The following MX2 variants were observed in gnomAD, a reference collection of about 807,000 sequenced individuals.
MX2 encodes the protein MX dynamin like GTPase 2.
A neutral mutation model predicts 74.0 loss-of-function variants in MX2; 51 were observed. That is an observed-to-expected ratio of 0.69 (90% CI 0.55 to 0.87). The LOEUF (loss-of-function observed/expected upper bound fraction) is 0.87. Among genes scored for constraint, MX2 ranks in the 40% least tolerant of loss-of-function variants. The pLI is 0.00. For missense variants in MX2, 832 were observed against 908.7 expected (o/e 0.92, Z 1.09); for synonymous variants, 369 against 339.3 (o/e 1.09, Z -0.96).
At chr21:41,382,647 G>T in intron 5 of MX2, 83 bp downstream of exon 5, 1 of 1,555,428 alleles carries the variant, frequency 6.4e-7, no homozygotes, top group Non-Finnish European at 8.8e-7. Flanking sequence ...TGTACCTCCT[G>T]GAGCCTTTAC....
At chr21:41,378,007 C>T (rs766400041) in intron 3 of MX2, 26 bp downstream of exon 3, 1 of 1,602,892 alleles carries the variant, frequency 6.2e-7, no homozygotes, top group Admixed American at 1.7e-5. Flanking sequence ...CACCTTCCCT[C>T]CGCAGCAAGC....
In MX2 at chr21:41,380,289, C is replaced by T; in HGVS notation, c.577+138C>T. 1.7e-6 allele frequency: 2 copies of T among 1,175,470 alleles called. No homozygotes were observed. The highest frequency in any genetic ancestry group is 2.6e-5 in the Admixed American group (1 of 38,252). 72.8% of individuals were successfully genotyped at this position (1,175,470 alleles called of 1,614,324 possible). On this transcript the variant is annotated intron_variant, in intron 4 of 13. Transcript: ENST00000330714. This position sits in a 1 kb window ranked among gnomAD's most constrained non-coding sequence, Gnocchi z 4.3. ...ATGTGCTCCCACATGGGGCTGAACC[C>T]ATTGCTGTCACCTCCACCATCCCTC...
chr21:41,370,678 T>C (rs2089313491), intron 1 of MX2: 1 of 152,176 alleles, frequency 6.6e-6, no homozygotes, highest in African/African-American at 2.4e-5. Context: ...TTCAGTGAAA[T>C]TGAGAGCAGA....
intron 5 of MX2, chr21:41,389,630 T>C (rs1019025811): frequency 2.6e-5 from 4 of 152,250 alleles, no homozygotes; most frequent in Non-Finnish European, 5.9e-5. Flanking sequence ...CGAGGCTTCA[T>C]TGGGCCTGTT....
chr21:41,381,165 T>G (rs1353977823), intron 4 of MX2, among the ~76,000 whole-genome samples: 1 of 152,208 alleles, frequency 6.6e-6, no homozygotes, highest in Non-Finnish European at 1.5e-5. Flanking sequence ...CAGAAGCTGC[T>G]GGATACCCTC....
In MX2 at chr21:41,372,201, G is replaced by A. The variant is rs149966934; in HGVS notation, c.-71-4635G>A. On this transcript the variant is annotated intron_variant, in intron 1 of 13. Transcript: ENST00000330714. ...CCTGGGTTATATTGGTTGCAGATGA[G>A]ATAGGACTCTACCACTTCCTGGGCC... Among the ~76,000 whole-genome samples, 3 of 152,288 alleles carry A rather than the reference G, an allele frequency of 2.0e-5. No individual in the cohort carries two copies. The East Asian group carries it at 5.8e-4, about 29-fold the overall frequency.
chr21:41,396,704 T>G (rs2089741225), intron 7 of MX2, among the ~76,000 whole-genome samples: 1 of 152,218 alleles, frequency 6.6e-6, no homozygotes, highest in Non-Finnish European at 1.5e-5. Context: ...TCTTCCTCTC[T>G]GCTCCTGCTC....
At chr21:41,374,680 G>T (rs191901558) in intron 1 of MX2, among the ~76,000 whole-genome samples, 2 of 152,172 alleles carry the variant, frequency 1.3e-5, no homozygotes, top group Non-Finnish European at 2.9e-5. Flanking sequence ...GGCAGGTGTC[G>T]CAGGTAGCAG....
rs1382858972 is a variant in MX2, at chr21:41,409,178, G to A, written c.*945G>A. 6.6e-6 allele frequency: 1 copy of A among 152,230 alleles called. No homozygotes were observed. Among genetic ancestry groups the A allele is most frequent in the Non-Finnish European group, 1.5e-5 (1 of 68,130 alleles). 9.4% of individuals were successfully genotyped at this position (152,230 alleles called of 1,614,324 possible). The stretch of plus-strand genomic sequence containing the variant: ...GGATTTTGAGGCTGCAGTGAGCCAT[G>A]ACTGCACCATGTACTACAGCCTGGG... On this transcript the variant is annotated 3_prime_UTR_variant, in exon 14 of 14. Transcript: ENST00000330714.
At chr21:41,405,961 C>T (rs1381460083) in intron 12 of MX2, among the ~76,000 whole-genome samples, 1 of 152,024 alleles carries the variant, frequency 6.6e-6, no homozygotes, top group Non-Finnish European at 1.5e-5. Flanking sequence ...GCCTCAGCCT[C>T]CCAAAGTGCT....
intron 2 of MX2, 119 bp downstream of exon 2, chr21:41,377,274 G>A: frequency 7.2e-7 from 1 of 1,389,242 alleles, no homozygotes; most frequent in African/African-American, 1.4e-5. Context: ...CACAGCTGAT[G>A]TCTCCAGCTC....
chr21:41,400,536 C>T (rs558965583), intron 10 of MX2, among the ~76,000 whole-genome samples: 2 of 152,134 alleles, frequency 1.3e-5, no homozygotes, highest in African/African-American at 4.8e-5. Context: ...CTATAAAAAA[C>T]TACCTGAGAC....
intron 5 of MX2, among the ~76,000 whole-genome samples, chr21:41,386,606 C>A (rs990394698): frequency 2.6e-5 from 4 of 152,218 alleles, no homozygotes; most frequent in African/African-American, 9.6e-5. Context: ...CTCTCTCCTG[C>A]AGATCGGGGC....
intron 11 of MX2, 82 bp from the exon 12 acceptor site, chr21:41,403,185 C>G (rs2145967328): frequency 8.7e-7 from 1 of 1,147,168 alleles, no homozygotes; most frequent in South Asian, 1.3e-5. Flanking sequence ...AGTCATCCTC[C>G]CTGTGTCTTT....
rs2089614363 is a variant in MX2 at position 41,388,663 on chromosome 21, G to A, written c.733-1902G>A. Reference sequence around the variant, plus strand: ...CCCACACCTGGTGGGCACTGCTAATGTTTGCTGCATGCACATAACGTGCTC... The same window carrying A: ...CCCACACCTGGTGGGCACTGCTAATATTTGCTGCATGCACATAACGTGCTC... On this transcript the variant is annotated intron_variant, in intron 5 of 13. Transcript: ENST00000330714. This position sits in a 1 kb window ranked among gnomAD's most constrained non-coding sequence, Gnocchi z 4.0. Among the ~76,000 whole-genome samples, 1 of 152,206 alleles carries A rather than the reference G, an allele frequency of 6.6e-6. No individual in the cohort carries two copies. Among genetic ancestry groups the A allele is most frequent in the South Asian group, 2.1e-4 (1 of 4,832 alleles).
intron 5 of MX2, among the ~76,000 whole-genome samples, chr21:41,386,755 T>C (rs1225187101): frequency 1.3e-5 from 2 of 152,208 alleles, no homozygotes; most frequent in Admixed American, 1.3e-4. Context: ...TCCACGTTCC[T>C]GGGCTTGTGA....
intron 7 of MX2, among the ~76,000 whole-genome samples, chr21:41,396,907 G>A (rs1002267749): frequency 6.6e-6 from 1 of 152,182 alleles, no homozygotes; most frequent in African/African-American, 2.4e-5. Flanking sequence ...GCCGGGGGAG[G>A]TGCCCAAGAC....
intron 6 of MX2, among the ~76,000 whole-genome samples, chr21:41,394,374 C>T (rs565176104): frequency 2.8e-4 from 43 of 152,280 alleles, no homozygotes; most frequent in African/African-American, 1.0e-3. Flanking sequence ...TCCCTCCCCA[C>T]TAGGCTGACT....
chr21:41,383,223 A>C (rs915572358), intron 5 of MX2, among the ~76,000 whole-genome samples: 3 of 152,196 alleles, frequency 2.0e-5, no homozygotes, highest in Non-Finnish European at 4.4e-5. Context: ...AGCCGGGTGC[A>C]GTGGTACATG....
Sources: gnomAD v4.1 joint callset for allele counts (sites outside exome capture counted in the v4.1 genomes callset) on GRCh38, gnomAD v4.1.1 for gene constraint, Gnocchi (gnomAD v3.1) non-coding constraint, MANE v1.5 for transcripts, NCBI Gene and HGNC (gene_info 2026-07-23, HGNC 2026-07-21) for gene names.